Variants in SLC35F3 observed in about 807,000 individuals in gnomAD.
SLC35F3 encodes the protein putative thiamine transporter SLC35F3.
In SLC35F3, 25 loss-of-function variants were observed where a neutral mutation model predicts 49.9. The ratio of observed to expected loss-of-function variants is 0.50; its 90% CI spans 0.37 to 0.70. SLC35F3 has a LOEUF of 0.70. Among genes scored for constraint, SLC35F3 ranks in the 30% least tolerant of loss-of-function variants. SLC35F3 has a pLI of 0.00. For missense variants in SLC35F3, 525 were observed against 639.8 expected (o/e 0.82, Z 1.94); for synonymous variants, 275 against 265.4 (o/e 1.04, Z -0.35).
At chr1:234,261,111 C>G (rs924018759) in intron 3 of SLC35F3, among the ~76,000 whole-genome samples, 2 of 152,092 alleles carry the variant, frequency 1.3e-5, no homozygotes, top group Non-Finnish European at 2.9e-5. Flanking sequence ...GCAACCCATC[C>G]AGGCTACCTC....
At chr1:234,305,410 G>A (rs898345158) in intron 3 of SLC35F3, among the ~76,000 whole-genome samples, 3 of 135,006 alleles carry the variant, frequency 2.2e-5, no homozygotes, top group African/African-American at 5.7e-5. Flanking sequence ...TTGAGACAGA[G>A]TCTTGCTCTG....
intron 2 of SLC35F3, among the ~76,000 whole-genome samples, chr1:234,108,953 T>A (rs1665364758): frequency 1.3e-5 from 2 of 151,750 alleles, no homozygotes; most frequent in Admixed American, 1.3e-4. Context: ...TTATTTCAGG[T>A]GGCAAGTGGC....
At chr1:234,156,288 T>C (rs1022167627) in intron 2 of SLC35F3, among the ~76,000 whole-genome samples, 1 of 152,208 alleles carries the variant, frequency 6.6e-6, no homozygotes, top group African/African-American at 2.4e-5. Context: ...TCATACATTA[T>C]TGGCGCAATT....
intron 2 of SLC35F3, among the ~76,000 whole-genome samples, chr1:233,949,355 A>G (rs1056793101): frequency 6.6e-6 from 1 of 152,160 alleles, no homozygotes; most frequent in Admixed American, 6.5e-5. Context: ...GCCTGATGAT[A>G]GATAAGGCAA....
rs190789075 is a variant in SLC35F3, at chr1:234,101,791, G to A, written c.284-129626G>A. On this transcript the variant is annotated intron_variant, in intron 2 of 7. Transcript: ENST00000366618. ...GGACAGAAAAAATATTGGAAGGGAC[G>A]TGGGTCAAATAGTGGCTAGGAGAGA... 4.6e-4 allele frequency among the ~76,000 whole-genome samples: 70 copies of A among 152,326 alleles called. 1 individual carries two copies. The highest frequency in any genetic ancestry group is 1.7e-3 in the African/African-American group (69 of 41,580).
intron 4 of SLC35F3, among the ~76,000 whole-genome samples, chr1:234,315,296 G>A (rs756867276): frequency 2.0e-5 from 3 of 152,204 alleles, no homozygotes; most frequent in Admixed American, 6.5e-5. Flanking sequence ...CAGACATACT[G>A]CATGAGATTA....
At chr1:234,169,409 G>A (rs1312496337) in intron 2 of SLC35F3, among the ~76,000 whole-genome samples, 1 of 152,188 alleles carries the variant, frequency 6.6e-6, no homozygotes, top group Non-Finnish European at 1.5e-5. Context: ...CCCAGCAGAT[G>A]GTTAGCAACA....
At chr1:234,066,819 C>G (rs1435931652) in intron 2 of SLC35F3, among the ~76,000 whole-genome samples, 1 of 135,648 alleles carries the variant, frequency 7.4e-6, no homozygotes, top group Non-Finnish European at 1.5e-5. Context: ...CTGTCTCTGT[C>G]CCTCTCTCTC....
At chr1:234,294,896 G>A (rs1182098297) in intron 3 of SLC35F3, among the ~76,000 whole-genome samples, 2 of 152,130 alleles carry the variant, frequency 1.3e-5, no homozygotes, top group African/African-American at 2.4e-5. Flanking sequence ...AGATTTACAG[G>A]GTGCCTGGGG....
At chr1:233,971,106 A>G (rs964558908) in intron 2 of SLC35F3, among the ~76,000 whole-genome samples, 3 of 152,338 alleles carry the variant, frequency 2.0e-5, no homozygotes, top group South Asian at 2.1e-4. Flanking sequence ...CCATGAGCCA[A>G]TGTGCAGAAT....
intron 2 of SLC35F3, among the ~76,000 whole-genome samples, chr1:234,071,452 G>A (rs1175870479): frequency 6.6e-6 from 1 of 152,200 alleles, no homozygotes. Flanking sequence ...CTGGCAGAGA[G>A]CCTGTAAGTT....
intron 2 of SLC35F3, among the ~76,000 whole-genome samples, chr1:233,955,479 T>C (rs1662681489): frequency 6.6e-6 from 1 of 152,158 alleles, no homozygotes; most frequent in African/African-American, 2.4e-5. Context: ...GCATATCTAA[T>C]TGGTGGACAC....
chr1:233,990,186 G>A lies in SLC35F3; in HGVS notation c.283+84428G>A, dbSNP rs147828836. Among the ~76,000 whole-genome samples, 77 of 151,848 alleles carry A rather than the reference G, an allele frequency of 5.1e-4. No individual in the cohort carries two copies. The East Asian group carries it at 0.011, about 22-fold the overall frequency. On this transcript the variant is annotated intron_variant, in intron 2 of 7. Coordinates refer to ENST00000366618, the MANE Select transcript of SLC35F3 (RefSeq NM_173508.4). The stretch of plus-strand genomic sequence containing the variant: ...CATCCTTTAAAATATATGTTTTAGC[G>A]GTTTCACAATGGACATAATAGTATT...
intron 2 of SLC35F3, among the ~76,000 whole-genome samples, chr1:234,016,915 G>A (rs980333984): frequency 6.6e-6 from 1 of 152,138 alleles, no homozygotes; most frequent in Non-Finnish European, 1.5e-5. Context: ...ATAGCTCAGA[G>A]GGCACACGTG....
At chr1:234,054,166 T>C (rs1239922998) in intron 2 of SLC35F3, among the ~76,000 whole-genome samples, 1 of 152,204 alleles carries the variant, frequency 6.6e-6, no homozygotes, top group Non-Finnish European at 1.5e-5. Context: ...TCTCTGTATT[T>C]CCTGAATTTG....
At chr1:234,101,992 A>G (rs907471558) in intron 2 of SLC35F3, among the ~76,000 whole-genome samples, 2 of 152,210 alleles carry the variant, frequency 1.3e-5, no homozygotes, top group African/African-American at 4.8e-5. Context: ...AGAGAGAACA[A>G]TGTTCCTGAC....
intron 3 of SLC35F3, among the ~76,000 whole-genome samples, chr1:234,262,330 CT>C (rs1228198523): frequency 3.3e-5 from 5 of 152,220 alleles, no homozygotes; most frequent in African/African-American, 9.6e-5. Flanking sequence ...CCTCTGTTTT[CT>C]CACCTGTGAG....
intron 2 of SLC35F3, among the ~76,000 whole-genome samples, chr1:234,203,432 G>A (rs1477803067): frequency 6.6e-6 from 1 of 152,086 alleles, no homozygotes; most frequent in Non-Finnish European, 1.5e-5. Context: ...AATGGTTTTG[G>A]CCAGGCGCAA....
Position 234,214,485 on chromosome 1 carries a change from G to T in SLC35F3, c.284-16932G>T. On this transcript the variant is annotated intron_variant, in intron 2 of 7. Coordinates refer to ENST00000366618, the MANE Select transcript of SLC35F3 (RefSeq NM_173508.4). The surrounding 1 kb of genome is among the most constrained non-coding windows in gnomAD (Gnocchi z 8.0). ...GCGATCGGCGGCAGCGCTCCTGCAG[G>T]CGGCCGGCTCATCATGAAGAAGCAC... The T allele has an allele frequency of 6.6e-7, 1 of 1,524,932 alleles. No homozygotes were observed. Among genetic ancestry groups the T allele is most frequent in the Non-Finnish European group, 8.8e-7 (1 of 1,136,922 alleles). 94.5% of individuals were successfully genotyped at this position (1,524,932 alleles called of 1,614,324 possible).
Sources: allele counts gnomAD v4.1 joint callset (sites outside exome capture counted in the v4.1 genomes callset), GRCh38; gene constraint gnomAD v4.1.1; non-coding constraint Gnocchi (gnomAD v3.1); transcripts MANE v1.5; gene names NCBI Gene and HGNC (gene_info 2026-07-23, HGNC 2026-07-21).